Variants in UNC5C observed in about 807,000 individuals in gnomAD.
The protein encoded by UNC5C is unc-5 netrin receptor C, also known as netrin receptor UNC5C.
A neutral mutation model predicts 99.8 loss-of-function variants in UNC5C; 47 were observed. The observed-to-expected ratio is 0.47, with a 90% CI of 0.37 to 0.60. The LOEUF is 0.60. Ranked by LOEUF, UNC5C falls within the 20% of genes least tolerant of loss-of-function variation. UNC5C has a pLI of 0.00. For synonymous variants in UNC5C, 487 were observed against 452.2 expected (o/e 1.08, Z -0.98); for missense variants, 1,062 against 1,165.9 (o/e 0.91, Z 1.30).
chr4:95,442,843 CACAA>C (rs960500906), intron 1 of UNC5C, among the ~76,000 whole-genome samples: 2 of 152,192 alleles, frequency 1.3e-5, no homozygotes, highest in Non-Finnish European at 2.9e-5. Flanking sequence ...CACATACACA[CACAA>C]ACATATTCAT....
rs550041544 is a variant in UNC5C, at chr4:95,167,961, G to C, written c.*1273C>G. On this transcript the variant is annotated 3_prime_UTR_variant, in exon 16 of 16. Coordinates refer to ENST00000453304, the MANE Select transcript of UNC5C (RefSeq NM_003728.4). ...TTTCTAGTGAGGACACTGAGGTCGT[G>C]TGGTTAAATGACTTTCTCAAGGTGG... is the stretch of plus-strand genomic sequence containing the variant. 4.6e-5 allele frequency: 7 copies of C among 152,312 alleles called. No homozygotes were observed. Among genetic ancestry groups the C allele is most frequent in the Non-Finnish European group, 8.8e-5 (6 of 68,032 alleles). 9.4% of individuals were successfully genotyped at this position (152,312 alleles called of 1,614,324 possible).
chr4:95,407,143 A>G (rs1019290210), intron 1 of UNC5C, among the ~76,000 whole-genome samples: 3 of 152,226 alleles, frequency 2.0e-5, no homozygotes, highest in African/African-American at 7.2e-5. Flanking sequence ...AAAACACTGA[A>G]TATGAAAATA....
At chr4:95,258,038 T>C (rs1335367071) in intron 4 of UNC5C, among the ~76,000 whole-genome samples, 1 of 152,210 alleles carries the variant, frequency 6.6e-6, no homozygotes, top group Non-Finnish European at 1.5e-5. Context: ...ATTTAAAACA[T>C]ATAACCTTTT....
chr4:95,459,342 T>A (rs1482545327), intron 1 of UNC5C, among the ~76,000 whole-genome samples: 1 of 152,080 alleles, frequency 6.6e-6, no homozygotes, highest in African/African-American at 2.4e-5. Flanking sequence ...CTCAAGAGTT[T>A]AAAAAAATCA....
At chr4:95,365,896 AT>A (rs535779327) in intron 1 of UNC5C, among the ~76,000 whole-genome samples, 2 of 149,384 alleles carry the variant, frequency 1.3e-5, no homozygotes, top group African/African-American at 4.9e-5. Flanking sequence ...AAGTGATGTG[AT>A]TTTTTCCCCC....
In UNC5C at chr4:95,165,367, C is replaced by G. The variant is rs1011363854; in HGVS notation, c.*3867G>C. ...ATTGAACACCTCACCCAAAAGTTGT[C>G]CAGTTCTTGAAGAGCCTAACTTGCT... On this transcript the variant is annotated 3_prime_UTR_variant, in exon 16 of 16. Coordinates refer to ENST00000453304, the MANE Select transcript of UNC5C (RefSeq NM_003728.4). The G allele has an allele frequency of 6.6e-6, 1 of 152,138 alleles. No individual in the cohort carries two copies. The highest frequency in any genetic ancestry group is 1.5e-5 in the Non-Finnish European group (1 of 68,034). The allele number at this position is 152,138 out of a possible 1,614,324, so 9.4% of individuals were successfully genotyped here. A position where few individuals can be genotyped will look rare whatever the true frequency, so the allele number is the denominator to read the frequency against.
intron 1 of UNC5C, among the ~76,000 whole-genome samples, chr4:95,430,439 T>TA (rs1746604524): frequency 6.6e-6 from 1 of 152,112 alleles, no homozygotes; most frequent in South Asian, 2.1e-4. Context: ...AAATCAATGA[T>TA]AAAAATGCCT....
At chr4:95,309,893 G>T (rs1378482844) in intron 2 of UNC5C, among the ~76,000 whole-genome samples, 2 of 152,080 alleles carry the variant, frequency 1.3e-5, no homozygotes, top group African/African-American at 4.8e-5. Flanking sequence ...AAACAAAACA[G>T]AAATAAAACT....
chr4:95,199,106 G>T lies in UNC5C; in HGVS notation c.2136+3625C>A, dbSNP rs538586942. Among the ~76,000 whole-genome samples the T allele has an allele frequency of 2.7e-3, 408 of 152,254 alleles. 2 individuals carry two copies. Among genetic ancestry groups the T allele is most frequent in the Middle Eastern group, 0.017 (5 of 294 alleles). On this transcript the variant is annotated intron_variant, in intron 12 of 15. Transcript: ENST00000453304. ...GAAGAGCATGAGCGTGAGTCAGGAT[G>T]GGGGCAGGCCTGAAGGAGAAGGAGG...
Position 95,185,127 on chromosome 4 carries a change from C to T in UNC5C, c.2206G>A (p.Gly736Ser). 6.2e-7 allele frequency: 1 copy of T among 1,613,980 alleles called. No homozygotes were observed. Among genetic ancestry groups the T allele is most frequent in the Non-Finnish European group, 8.5e-7 (1 of 1,179,998 alleles). ...GACAGGCGCAGGTTGTGGGTGCTGC[C>T]TTTAAAATGAAGAGCCTTAGGTTCT... ...LEEPKALHFK[G>S]STHNLRLSIH... Residue 736 changes from glycine (G) to serine (S), a missense_variant, in exon 13 of 16, where the codon GGC becomes AGC. By Grantham distance (56) the Gly-to-Ser change is moderately conservative. Transcript: ENST00000453304.
chr4:95,288,730 C>G (rs1741334812), intron 3 of UNC5C, among the ~76,000 whole-genome samples: 1 of 152,182 alleles, frequency 6.6e-6, no homozygotes, highest in Non-Finnish European at 1.5e-5. Context: ...GGCTACATCC[C>G]TCTAATCTCT....
chr4:95,442,042 T>G (rs1351152560), intron 1 of UNC5C, among the ~76,000 whole-genome samples: 1 of 152,238 alleles, frequency 6.6e-6, no homozygotes, highest in African/African-American at 2.4e-5. Flanking sequence ...ATTGCTTGTA[T>G]AGTCTACTAG....
intron 1 of UNC5C, among the ~76,000 whole-genome samples, chr4:95,384,675 A>G (rs1745162498): frequency 1.3e-5 from 2 of 152,174 alleles, no homozygotes; most frequent in South Asian, 2.1e-4. Context: ...TGACAAGTCC[A>G]GATTTCCATT....
chr4:95,266,413 C>T (rs536149444), intron 4 of UNC5C, among the ~76,000 whole-genome samples: 18 of 152,240 alleles, frequency 1.2e-4, no homozygotes, highest in African/African-American at 2.9e-4. Flanking sequence ...ATTTTATTAA[C>T]GAATATGAAT....
At chr4:95,270,109 C>A (rs1329365533) in intron 4 of UNC5C, among the ~76,000 whole-genome samples, 3 of 152,106 alleles carry the variant, frequency 2.0e-5, no homozygotes, top group Non-Finnish European at 4.4e-5. Context: ...AGTTTGAAGT[C>A]CTACTATTAT....
chr4:95,534,987 G>T (rs1270325875), intron 1 of UNC5C, among the ~76,000 whole-genome samples: 11 of 152,228 alleles, frequency 7.2e-5, no homozygotes, highest in African/African-American at 2.6e-4. Context: ...TAAAAAGTTT[G>T]CTAACTATTC....
At chr4:95,358,145 C>T (rs1252275379) in intron 1 of UNC5C, among the ~76,000 whole-genome samples, 1 of 152,132 alleles carries the variant, frequency 6.6e-6, no homozygotes, top group Non-Finnish European at 1.5e-5. Flanking sequence ...GTAATGTTTA[C>T]ATGGTACCAA....
intron 2 of UNC5C, among the ~76,000 whole-genome samples, chr4:95,308,739 G>A (rs1340749100): frequency 1.0e-5 from 1 of 98,610 alleles, no homozygotes; most frequent in Non-Finnish European, 1.8e-5. Context: ...CTGACAGAGT[G>A]AGACTCTGTC....
chr4:95,260,915 C>T (rs1740198049), intron 4 of UNC5C, among the ~76,000 whole-genome samples: 1 of 152,148 alleles, frequency 6.6e-6, no homozygotes, highest in African/African-American at 2.4e-5. Context: ...GATTCCTCCT[C>T]ACAGCAGCCT....
Sources: allele counts gnomAD v4.1 joint callset (sites outside exome capture counted in the v4.1 genomes callset), GRCh38; gene constraint gnomAD v4.1.1; transcripts MANE v1.5; gene names NCBI Gene and HGNC (gene_info 2026-07-23, HGNC 2026-07-21).